Variants in CD48 observed in about 807,000 individuals in gnomAD.
The protein encoded by CD48 is CD48 molecule.
A neutral mutation model predicts 22.0 loss-of-function variants in CD48; 20 were observed. That is an observed-to-expected ratio of 0.91 (90% confidence interval 0.64 to 1.32). The LOEUF (loss-of-function observed/expected upper bound fraction) is 1.32, where lower values mean the gene tolerates loss of function less well. Ranked by LOEUF, CD48 falls within the 40% of genes most tolerant of loss-of-function variation. The pLI is 0.00. For missense variants in CD48, 307 were observed against 286.5 expected (o/e 1.07, Z -0.52); for synonymous variants, 110 against 110.1 (o/e 1.00, Z 0.01).
chr1:160,681,512 C>T (rs765647156), intron 2 of CD48, 44 bp from the exon 3 acceptor site: 4 of 1,596,780 alleles, frequency 2.5e-6, no homozygotes, highest in Non-Finnish European at 3.4e-6. Context: ...GTGAGGCATT[C>T]ATGCTGTGAA....
intron 2 of CD48, chr1:160,683,666 C>A (rs1040525057): frequency 6.6e-6 from 1 of 152,104 alleles, no homozygotes; most frequent in Non-Finnish European, 1.5e-5. Context: ...CTGCTTGGAT[C>A]AGGGACTGTC....
At chr1:160,681,721 G>A (rs897440316) in intron 2 of CD48, among the ~76,000 whole-genome samples, 11 of 152,148 alleles carry the variant, frequency 7.2e-5, no homozygotes, top group African/African-American at 2.7e-4. Flanking sequence ...TCCATCATAT[G>A]CTCTGGGAAC....
At chr1:160,687,405 GAC>G (rs1450428806) in intron 1 of CD48, among the ~76,000 whole-genome samples, 24 of 152,204 alleles carry the variant, frequency 1.6e-4, no homozygotes, top group Non-Finnish European at 3.4e-4. Flanking sequence ...TTAAAGTAAA[GAC>G]AGGCATAGGA....
At chr1:160,680,828 C>G in intron 3 of CD48, 1 of 1,277,148 alleles carries the variant, frequency 7.8e-7, no homozygotes, top group Non-Finnish European at 9.9e-7. Flanking sequence ...AATGAAGCCC[C>G]TCTAGACAGC....
At chr1:160,697,033 GATGC>G (rs1226064767) in intron 1 of CD48, among the ~76,000 whole-genome samples, 2 of 151,936 alleles carry the variant, frequency 1.3e-5, no homozygotes, top group Non-Finnish European at 2.9e-5. Flanking sequence ...CCACTCCTCA[GATGC>G]AACTTAATCT....
chr1:160,696,075 T>A (rs1400969335), intron 1 of CD48, among the ~76,000 whole-genome samples: 1 of 152,410 alleles, frequency 6.6e-6, no homozygotes, highest in South Asian at 2.1e-4. Context: ...GGATTCTACC[T>A]AAAATTACCA....
At chr1:160,691,976 G>C (rs1662237795) in intron 1 of CD48, 1 of 224,082 alleles carries the variant, frequency 4.5e-6, no homozygotes, top group South Asian at 1.8e-4. Flanking sequence ...GGGGGAGTTA[G>C]AGTATCCACC....
intron 1 of CD48, among the ~76,000 whole-genome samples, chr1:160,702,215 C>T (rs867368457): frequency 6.6e-6 from 1 of 152,072 alleles, no homozygotes; most frequent in Non-Finnish European, 1.5e-5. Context: ...CAGTGACCCC[C>T]GTGGGGACAA....
chr1:160,687,812 C>T (rs1370665220), intron 1 of CD48, among the ~76,000 whole-genome samples: 4 of 152,152 alleles, frequency 2.6e-5, no homozygotes, highest in African/African-American at 9.7e-5. Flanking sequence ...GGGTTTAATC[C>T]ATAAAGATTT....
chr1:160,698,427 T>C (rs564242857), intron 1 of CD48, among the ~76,000 whole-genome samples: 2 of 152,298 alleles, frequency 1.3e-5, no homozygotes, highest in East Asian at 1.9e-4. Context: ...ATGGGATTAA[T>C]TGCAGTCACA....
chr1:160,702,775 C>G (rs1479177441), intron 1 of CD48, among the ~76,000 whole-genome samples: 2 of 152,158 alleles, frequency 1.3e-5, no homozygotes, highest in Admixed American at 6.5e-5. Context: ...AATGCCTTCA[C>G]AAGCTTTAAT....
intron 1 of CD48, among the ~76,000 whole-genome samples, chr1:160,697,788 G>A (rs548742): frequency 0.48 from 71,819 of 149,078 alleles, 17,142 homozygotes; most frequent in East Asian, 0.7. Flanking sequence ...ATTATAGATT[G>A]GGCACCTCGA....
At chr1:160,702,355 G>T (rs1434897542) in intron 1 of CD48, among the ~76,000 whole-genome samples, 1 of 152,132 alleles carries the variant, frequency 6.6e-6, no homozygotes, top group Non-Finnish European at 1.5e-5. Context: ...TATTTGGTTT[G>T]GTTGTAGGTA....
At chr1:160,704,063 C>T (rs1349964891) in intron 1 of CD48, among the ~76,000 whole-genome samples, 1 of 151,970 alleles carries the variant, frequency 6.6e-6, no homozygotes, top group East Asian at 1.9e-4. Context: ...CTTGTGTGTG[C>T]ATTTACAATG....
At position 160,681,265 on chromosome 1, in the gene CD48, G is replaced by C; in HGVS notation, c.589C>G (p.Gln197Glu). The change falls in exon 3 of 4, where the codon CAA (glutamine) becomes GAA (glutamate). Residue 197 changes from glutamine (Q) to glutamate (E), a missense_variant. Coordinates refer to ENST00000368046, the MANE Select transcript of CD48 (RefSeq NM_001778.4). ...TTGCTGCTCACAGAATTGCTGACTT[G>C]GCAAGTATAACACCTGGAGTAATTA... is the stretch of plus-strand genomic sequence containing the variant. ...PHNYSRCYTC[Q>E]VSNSVSSKNG... The C allele has an allele frequency of 6.2e-7, 1 of 1,614,146 alleles. No homozygotes were observed. Among genetic ancestry groups the C allele is most frequent in the Non-Finnish European group, 8.5e-7 (1 of 1,180,028 alleles).
chr1:160,691,331 T>A (rs983651254), intron 1 of CD48, among the ~76,000 whole-genome samples: 3 of 152,204 alleles, frequency 2.0e-5, no homozygotes, highest in Admixed American at 6.5e-5. Context: ...AACCCGATTG[T>A]ACGTTCCACC....
Position 160,711,752 on chromosome 1 carries a change from T to C in CD48, c.12A>G (p.Arg4=). 1.2e-6 allele frequency: 2 copies of C among 1,613,088 alleles called. No homozygotes were observed. Among genetic ancestry groups the C allele is most frequent in the Non-Finnish European group, 8.5e-7 (1 of 1,179,420 alleles). MCS[R]GWDSCLALEL... The stretch of plus-strand genomic sequence containing the variant: ...CCAGAGCCAGACACGAATCCCAACC[T>C]CTGGAGCACATGCTTCCTTCCAGAA... Residue 4 remains arginine, a synonymous_variant, in exon 1 of 4, where the codon AGA becomes AGG. Coordinates refer to ENST00000368046, the MANE Select transcript of CD48 (RefSeq NM_001778.4).
chr1:160,701,283 C>T (rs1378883745), intron 1 of CD48, among the ~76,000 whole-genome samples: 1 of 146,104 alleles, frequency 6.8e-6, no homozygotes, highest in Non-Finnish European at 1.5e-5. Flanking sequence ...GCCCTTAAAT[C>T]GGTTACCATC....
In CD48 at chr1:160,711,708, A is replaced by G; in HGVS notation, c.56T>C (p.Leu19Pro). The G allele has an allele frequency of 6.2e-7, 1 of 1,613,592 alleles. No homozygotes were observed. ...CLALELLLLPLSLLVTSIQGH... is the reference protein window; with the variant it reads ...CLALELLLLPPSLLVTSIQGH... ...TTGAATGCTGGTCACCAGGAGTGAC[A>G]GAGGCAGCAGTAGCAATTCCAGAGC... The change falls in exon 1 of 4, where the codon CTG becomes CCG. Residue 19 changes from leucine to proline, a missense_variant. Coordinates refer to ENST00000368046, the MANE Select transcript of CD48 (RefSeq NM_001778.4).
Sources: allele counts gnomAD v4.1 joint callset (sites outside exome capture counted in the v4.1 genomes callset), GRCh38; gene constraint gnomAD v4.1.1; transcripts MANE v1.5; gene names NCBI Gene and HGNC (gene_info 2026-07-23, HGNC 2026-07-21).